Variants in SEMA5A observed in about 807,000 individuals in gnomAD.
The protein encoded by SEMA5A is semaphorin 5A, also known as semaphorin-5A.
SEMA5A carries 55 observed loss-of-function variants against 135.5 expected under a neutral mutation model. The observed-to-expected ratio is 0.41, with a 90% CI of 0.33 to 0.51. The LOEUF is 0.51. SEMA5A is among the 20% of genes least tolerant of loss of function. The pLI is 0.37. For synonymous variants in SEMA5A, 580 were observed against 546.5 expected, an observed-to-expected ratio of 1.06 and a Z score of -0.85; for missense variants, 1,290 against 1,419.9, an observed-to-expected ratio of 0.91 and a Z score of 1.47.
At chr5:9,431,521 C>T (rs1757855043) in intron 2 of SEMA5A, among the ~76,000 whole-genome samples, 1 of 152,072 alleles carries the variant, frequency 6.6e-6, no homozygotes, top group South Asian at 2.1e-4. Flanking sequence ...CAAAAAGACA[C>T]AAACACACAT....
chr5:9,278,244 G>T (rs934179101), intron 5 of SEMA5A, among the ~76,000 whole-genome samples: 43 of 152,118 alleles, frequency 2.8e-4, no homozygotes, highest in African/African-American at 1.0e-3. Context: ...TCCTGCCCTA[G>T]AGATCTGTGG....
intron 2 of SEMA5A, among the ~76,000 whole-genome samples, chr5:9,435,117 A>G (rs747559360): frequency 6.6e-6 from 1 of 152,166 alleles, no homozygotes; most frequent in Non-Finnish European, 1.5e-5. Flanking sequence ...AACTATGTCA[A>G]TCCTGTTCAA....
At chr5:9,503,512 A>G (rs1274243879) in intron 1 of SEMA5A, among the ~76,000 whole-genome samples, 1 of 152,224 alleles carries the variant, frequency 6.6e-6, no homozygotes, top group Non-Finnish European at 1.5e-5. Flanking sequence ...CTCCATTACC[A>G]TGTGCTACTG....
chr5:9,310,852 C>A (rs1752095179), intron 5 of SEMA5A, among the ~76,000 whole-genome samples: 2 of 148,402 alleles, frequency 1.3e-5, no homozygotes, highest in African/African-American at 2.5e-5. Flanking sequence ...TATATACACA[C>A]AATATATATA....
intron 16 of SEMA5A, among the ~76,000 whole-genome samples, chr5:9,076,658 A>C (rs1474072145): frequency 6.6e-6 from 1 of 152,242 alleles, no homozygotes; most frequent in African/African-American, 2.4e-5. Context: ...CTATGAGTTT[A>C]TACATTCCTG....
chr5:9,108,164 C>T lies in SEMA5A; in HGVS notation c.2049G>A (p.Gly683=). ...CCACATTGCAGCCTGCACAGTCAGG[C>T]CCATTCTCACAGATCCTGCGGCGAG... ...IQARRRICEN[G]PDCAGCNVEY... The change falls in exon 16 of 23, where the codon GGG becomes GGA. Residue 683 remains glycine, a synonymous_variant. Transcript: ENST00000382496. The T allele has an allele frequency of 6.2e-7, 1 of 1,614,030 alleles. No homozygotes were observed. Among genetic ancestry groups the T allele is most frequent in the Non-Finnish European group, 8.5e-7 (1 of 1,179,980 alleles).
intron 2 of SEMA5A, among the ~76,000 whole-genome samples, chr5:9,404,117 A>G (rs1756782063): frequency 6.6e-6 from 1 of 152,136 alleles, no homozygotes; most frequent in Admixed American, 6.5e-5. Context: ...TATTTTTAGT[A>G]GAGATGCGGT....
intron 15 of SEMA5A, among the ~76,000 whole-genome samples, chr5:9,115,865 A>C (rs1410311087): frequency 6.6e-6 from 1 of 152,160 alleles, no homozygotes; most frequent in Non-Finnish European, 1.5e-5. Context: ...AGAATATGGC[A>C]AAGGGGTGAG....
At position 9,063,013 on chromosome 5, in the gene SEMA5A, G is replaced by A. The variant is rs1436765433; in HGVS notation, c.2392C>T (p.Arg798Cys). ...TTCCGAATGCCCCTGCTGCAGTCAC[G>A]GCTGCACTGTGACCACGACGTCCAG... is the stretch of plus-strand genomic sequence containing the variant. The part of the protein sequence containing the change: ...SAWTSWSQCS[R>C]DCSRGIRNRK... The change falls in exon 18 of 23, where the codon CGT becomes TGT. Residue 798 changes from arginine (R) to cysteine (C), a missense_variant. Arg to Cys is a radical substitution (Grantham distance 180). This residue lies in a region of SEMA5A where 1,029 missense variants were observed against 1,086.6 expected (regional missense o/e 0.95). Transcript: ENST00000382496. 12 of 1,614,088 alleles carry A rather than the reference G, an allele frequency of 7.4e-6. No homozygotes were observed. Among genetic ancestry groups the A allele is most frequent in the South Asian group, 2.2e-5 (2 of 91,088 alleles).
At chr5:9,285,227 C>A (rs1267967855) in intron 5 of SEMA5A, among the ~76,000 whole-genome samples, 1 of 152,142 alleles carries the variant, frequency 6.6e-6, no homozygotes, top group Non-Finnish European at 1.5e-5. Context: ...ACAAAATGTT[C>A]CTGTGTGGAA....
chr5:9,434,110 G>A (rs775768048), intron 2 of SEMA5A, among the ~76,000 whole-genome samples: 2 of 152,082 alleles, frequency 1.3e-5, no homozygotes, highest in Non-Finnish European at 2.9e-5. Context: ...TTGTGAACTG[G>A]AAGCAACATA....
chr5:9,205,463 A>G (rs1806068), intron 8 of SEMA5A, among the ~76,000 whole-genome samples: 3,558 of 152,210 alleles, frequency 0.023, 138 homozygotes, highest in African/African-American at 0.079. Context: ...AATGACTTTC[A>G]CGAGGTCATT....
rs1264530078 is a variant in SEMA5A, at chr5:9,224,798, T to C, written c.522A>G (p.Thr174=). The C allele has an allele frequency of 6.2e-7, 1 of 1,614,048 alleles. No homozygotes were observed. Among genetic ancestry groups the C allele is most frequent in the South Asian group, 1.1e-5 (1 of 91,068 alleles). ...TAGCAGCATAGAGCTCCCCACCAGC[T>C]GTGAGGAGCGCTGTGGAATTGTGCT... The part of the protein sequence containing the change: ...SPQHNSTALL[T]AGGELYAATA... The change falls in exon 8 of 23, where the codon ACA becomes ACG. Residue 174 remains threonine, a synonymous_variant. Transcript: ENST00000382496.
At chr5:9,360,158 A>T (rs1366563911) in intron 3 of SEMA5A, among the ~76,000 whole-genome samples, 1 of 152,212 alleles carries the variant, frequency 6.6e-6, no homozygotes, top group Non-Finnish European at 1.5e-5. Flanking sequence ...CCTCTGCAGT[A>T]GGTCATCCTA....
At chr5:9,170,170 A>C (rs575865996) in intron 11 of SEMA5A, among the ~76,000 whole-genome samples, 12 of 152,240 alleles carry the variant, frequency 7.9e-5, no homozygotes, top group Non-Finnish European at 1.8e-4. Context: ...CAAATGCTTC[A>C]GTGTCCTACC....
At chr5:9,446,153 C>G (rs1469660614) in intron 1 of SEMA5A, among the ~76,000 whole-genome samples, 1 of 152,180 alleles carries the variant, frequency 6.6e-6, no homozygotes, top group African/African-American at 2.4e-5. Context: ...TCCATTTTGT[C>G]TTCATGCAGA....
At chr5:9,211,756 G>T (rs138015989) in intron 8 of SEMA5A, among the ~76,000 whole-genome samples, 1 of 152,194 alleles carries the variant, frequency 6.6e-6, no homozygotes, top group East Asian at 1.9e-4. Context: ...GCATTTTAAA[G>T]ACCTCAAGGG....
intron 16 of SEMA5A, among the ~76,000 whole-genome samples, chr5:9,074,982 T>C (rs1315825641): frequency 2.0e-5 from 3 of 152,222 alleles, no homozygotes; most frequent in African/African-American, 7.2e-5. Context: ...ACTCAGTATA[T>C]GCCAGTTACT....
chr5:9,119,560 C>T (rs1488935227), intron 14 of SEMA5A, among the ~76,000 whole-genome samples: 2 of 151,968 alleles, frequency 1.3e-5, no homozygotes, highest in South Asian at 4.2e-4. Context: ...AGAAGTGCAC[C>T]TTTGGACAAA....
Sources: allele counts gnomAD v4.1 joint callset (sites outside exome capture counted in the v4.1 genomes callset), GRCh38; gene constraint gnomAD v4.1.1; regional missense constraint gnomAD v4.1.1; transcripts MANE v1.5; gene names NCBI Gene and HGNC (gene_info 2026-07-23, HGNC 2026-07-21).